The following ZNF664 variants were observed in gnomAD, a reference collection of about 807,000 sequenced individuals.
ZNF664 encodes zinc finger protein 664, also known as zinc finger Organ of Corti 1.
A neutral mutation model predicts 18.2 loss-of-function variants in ZNF664; 10 were observed. That is an observed-to-expected ratio of 0.55 (90% confidence interval 0.34 to 0.93). The LOEUF (loss-of-function observed/expected upper bound fraction) is 0.93. ZNF664 is among the 40% of genes least tolerant of loss of function. The pLI, the probability that ZNF664 is intolerant of heterozygous loss-of-function variation, is 0.02. For synonymous variants in ZNF664, 119 were observed against 104.2 expected (o/e 1.14, Z -0.86); for missense variants, 193 against 319.0 (o/e 0.61, Z 3.01).
At position 124,000,600 on chromosome 12, in the gene ZNF664, C is replaced by T. The variant is rs150673790; in HGVS notation, c.-660-10781C>T. On this transcript the variant is annotated intron_variant, in intron 3 of 4. Coordinates refer to ENST00000337815, the MANE Select transcript of ZNF664 (RefSeq NM_152437.3). ...GCTATGAGTTGAGCACACCTGTGTGCCCCAGTGCCCAGATAAAGACAGCAC... is the reference window on the plus strand; with the variant it reads ...GCTATGAGTTGAGCACACCTGTGTGTCCCAGTGCCCAGATAAAGACAGCAC... Among the ~76,000 whole-genome samples, 51 of 152,304 alleles carry T rather than the reference C, an allele frequency of 3.3e-4. No homozygotes were observed. In the East Asian group the frequency reaches 8.5e-3, roughly 25 times the overall value.
chr12:124,008,702 C>T (rs980527412), intron 3 of ZNF664, among the ~76,000 whole-genome samples: 1 of 152,148 alleles, frequency 6.6e-6, no homozygotes, highest in Non-Finnish European at 1.5e-5. Flanking sequence ...TCTTTCTTCC[C>T]CATTCTCTAC....
At chr12:123,975,666 C>T (rs1283934991) in intron 2 of ZNF664, among the ~76,000 whole-genome samples, 1 of 152,194 alleles carries the variant, frequency 6.6e-6, no homozygotes, top group Non-Finnish European at 1.5e-5. Context: ...TGGCCTAAAG[C>T]AGTCCTCCCA....
At chr12:123,973,652 C>A in intron 1 of ZNF664, 2 of 613,176 alleles carry the variant, frequency 3.3e-6, no homozygotes, top group Non-Finnish European at 4.3e-6. Flanking sequence ...GAGGGCTGGG[C>A]AGCGGGCAGG....
At chr12:124,000,564 G>A (rs1229045280) in intron 3 of ZNF664, among the ~76,000 whole-genome samples, 1 of 152,162 alleles carries the variant, frequency 6.6e-6, no homozygotes, top group Non-Finnish European at 1.5e-5. Context: ...GTAGTGTAAT[G>A]AATTTTCACA....
chr12:123,999,269 T>C (rs914377955), intron 3 of ZNF664, among the ~76,000 whole-genome samples: 3 of 152,240 alleles, frequency 2.0e-5, no homozygotes, highest in African/African-American at 7.2e-5. Flanking sequence ...TTCACTTTTA[T>C]CTTTCCCAGA....
chr12:124,007,280 T>G (rs1214459770), intron 3 of ZNF664, among the ~76,000 whole-genome samples: 1 of 152,186 alleles, frequency 6.6e-6, no homozygotes, highest in Non-Finnish European at 1.5e-5. Flanking sequence ...CATGTTGGAC[T>G]CCCCTGTCAG....
chr12:123,973,223 C>A lies in ZNF664; in HGVS notation c.-1021C>A. ...CTCGTGCGTGCGCACGCGCGCTGTC[C>A]CCCGGAGGCGTCTGGGTGTGCGGAG... On this transcript the variant is annotated 5_prime_UTR_variant, in exon 1 of 5. Transcript: ENST00000337815. 1.0e-6 allele frequency: 1 copy of A among 986,068 alleles called. No homozygotes were observed. Among genetic ancestry groups the A allele is most frequent in the Non-Finnish European group, 1.2e-6 (1 of 832,566 alleles). The allele number at this position is 986,068 out of a possible 1,614,324, so 61.1% of individuals were successfully genotyped here.
intron 2 of ZNF664, among the ~76,000 whole-genome samples, chr12:123,976,489 G>C (rs192020041): frequency 5.3e-4 from 81 of 152,248 alleles, no homozygotes; most frequent in African/African-American, 1.9e-3. Flanking sequence ...CCAGGGGCCA[G>C]ATCAAGTAGG....
At position 123,989,294 on chromosome 12, in the gene ZNF664, T is replaced by C. The variant is rs187835109; in HGVS notation, c.-661+1156T>C. ...TCCTTTTCTCTCTTTTCCCATGTGCTGGATTGGTTTCCAGGTGACTGACCT... is the reference window on the plus strand; with the variant it reads ...TCCTTTTCTCTCTTTTCCCATGTGCCGGATTGGTTTCCAGGTGACTGACCT... On this transcript the variant is annotated intron_variant, in intron 3 of 4. Coordinates refer to ENST00000337815, the MANE Select transcript of ZNF664 (RefSeq NM_152437.3). The C allele has an allele frequency of 7.1e-4, 109 of 152,544 alleles. 1 individual carries two copies. Among genetic ancestry groups the C allele is most frequent in the African/African-American group, 2.6e-3 (108 of 41,586 alleles). 9.4% of individuals were successfully genotyped at this position (152,544 alleles called of 1,614,324 possible).
chr12:123,989,184 A>T (rs894858798), intron 3 of ZNF664: 1 of 152,714 alleles, frequency 6.5e-6, no homozygotes, highest in African/African-American at 2.4e-5. Context: ...TAGATGTGTG[A>T]TGTCTTTTCT....
At chr12:124,000,669 A>G (rs1439696901) in intron 3 of ZNF664, among the ~76,000 whole-genome samples, 2 of 152,204 alleles carry the variant, frequency 1.3e-5, no homozygotes, top group Non-Finnish European at 2.9e-5. Flanking sequence ...CTTTCTAGTC[A>G]TTAGCCCCTC....
intron 3 of ZNF664, chr12:123,998,640 C>G (rs1274289861): frequency 6.6e-6 from 1 of 152,290 alleles, no homozygotes; most frequent in Non-Finnish European, 1.5e-5. Flanking sequence ...GTTAGGATGC[C>G]CCTGGCTCAT....
In ZNF664 at chr12:124,012,276, A is replaced by G. The variant is rs1337091023; in HGVS notation, c.132A>G (p.Ser44=). The G allele has an allele frequency of 2.4e-5, 39 of 1,614,136 alleles. No homozygotes were observed. Among genetic ancestry groups the G allele is most frequent in the Non-Finnish European group, 3.0e-5 (35 of 1,180,052 alleles). The stretch of plus-strand genomic sequence containing the variant: ...GTGATAAGGGTTTCTTTCATATATC[A>G]GAACTTCATATTCATTGGAGAGACC... ...DKCDKGFFHI[S]ELHIHWRDHT... Residue 44 remains serine (S), a synonymous_variant, in exon 5 of 5, where the codon TCA becomes TCG. Transcript: ENST00000337815.
chr12:123,974,240 A>C lies in ZNF664; in HGVS notation c.-757+220A>C, dbSNP rs1956651414. On this transcript the variant is annotated intron_variant, in intron 2 of 4. Transcript: ENST00000337815. ...TCCTTTGTGAAACCTTTCTTGCCGAACTCTAACAACTAAATCTCCCCGGGA... is the reference window on the plus strand; with the variant it reads ...TCCTTTGTGAAACCTTTCTTGCCGACCTCTAACAACTAAATCTCCCCGGGA... 3 of 393,712 alleles carry C rather than the reference A, an allele frequency of 7.6e-6. No homozygotes were observed. In the East Asian group the frequency reaches 1.1e-4, roughly 14 times the overall value. 24.4% of individuals were successfully genotyped at this position (393,712 alleles called of 1,614,324 possible). A position where few individuals can be genotyped will look rare whatever the true frequency, so the allele number is the denominator to read the frequency against.
Position 124,012,338 on chromosome 12 carries a change from G to A in ZNF664, c.194G>A (p.Gly65Asp), listed in dbSNP as rs766836726. The A allele has an allele frequency of 6.2e-7, 1 of 1,614,108 alleles. No individual in the cohort carries two copies. The highest frequency in any genetic ancestry group is 1.7e-5 in the Admixed American group (1 of 60,010). The change falls in exon 5 of 5, where the codon GGT becomes GAT. Residue 65 changes from glycine to aspartate, a missense_variant. Physicochemically the swap from Gly to Asp is moderately conservative, Grantham distance 94. Around this residue, in one of 3 missense-constraint regions of ZNF664, gnomAD observed 90 missense variants for 118.9 expected, o/e 0.76. Coordinates refer to ENST00000337815, the MANE Select transcript of ZNF664 (RefSeq NM_152437.3). ...GEKVYKCDDC[G>D]KDFSTTTKLN... ...AAGGTCTATAAATGTGATGATTGTG[G>A]TAAGGATTTTAGCACTACAACAAAA... is the stretch of plus-strand genomic sequence containing the variant.
chr12:123,988,158 C>T lies in ZNF664; in HGVS notation c.-661+20C>T, dbSNP rs896485482. The T allele has an allele frequency of 4.8e-5, 59 of 1,231,254 alleles. No homozygotes were observed. Among genetic ancestry groups the T allele is most frequent in the Non-Finnish European group, 6.0e-5 (59 of 987,762 alleles). The allele number at this position is 1,231,254 out of a possible 1,614,324, so 76.3% of individuals were successfully genotyped here. On this transcript the variant is annotated intron_variant, in intron 3 of 4. Transcript: ENST00000337815. ...ACTGTGGTAAGTTTTCCCCTTGTTTCACCATTTGTCCTAGATGGAGAATCC... is the reference window on the plus strand; with the variant it reads ...ACTGTGGTAAGTTTTCCCCTTGTTTTACCATTTGTCCTAGATGGAGAATCC...
At chr12:123,989,896 G>C (rs1033133770) in intron 3 of ZNF664, among the ~76,000 whole-genome samples, 1 of 93,862 alleles carries the variant, frequency 1.1e-5, no homozygotes, top group East Asian at 2.2e-4. Flanking sequence ...TCTATTCTTA[G>C]GATTCTCATC....
intron 2 of ZNF664, among the ~76,000 whole-genome samples, chr12:123,975,807 G>A (rs1396009485): frequency 2.6e-5 from 4 of 152,178 alleles, no homozygotes; most frequent in South Asian, 2.1e-4. Context: ...GACAATACTC[G>A]CACTATAATA....
intron 3 of ZNF664, among the ~76,000 whole-genome samples, chr12:123,994,281 C>T (rs7970267): frequency 2.6e-5 from 4 of 152,116 alleles, no homozygotes; most frequent in Non-Finnish European, 5.9e-5. Flanking sequence ...ACTTTAAAAA[C>T]CATTTTTAAG....
Sources: allele counts gnomAD v4.1 joint callset (sites outside exome capture counted in the v4.1 genomes callset), GRCh38; gene constraint gnomAD v4.1.1; regional missense constraint gnomAD v4.1.1; transcripts MANE v1.5; gene names NCBI Gene and HGNC (gene_info 2026-07-23, HGNC 2026-07-21).